NDUFS3: variants seen among roughly 807,000 people sequenced by gnomAD.
NDUFS3 encodes the protein NADH dehydrogenase [ubiquinone] iron-sulfur protein 3, mitochondrial.
In NDUFS3, 19 loss-of-function variants were observed where a neutral mutation model predicts 30.8. The ratio of observed to expected loss-of-function variants is 0.62; its 90% CI spans 0.43 to 0.91. The LOEUF (loss-of-function observed/expected upper bound fraction) is 0.91. Ranked by LOEUF, NDUFS3 falls within the 40% of genes least tolerant of loss-of-function variation. NDUFS3 has a pLI of 0.00. For synonymous variants in NDUFS3, 153 were observed against 135.8 expected (o/e 1.13, Z -0.88); for missense variants, 331 against 342.0 (o/e 0.97, Z 0.25).
chr11:47,581,282 T>G, intron 4 of NDUFS3: 1 of 390,104 alleles, frequency 2.6e-6, no homozygotes, highest in Non-Finnish European at 4.9e-6. Flanking sequence ...GCCCCTTGAG[T>G]AGCTGGGACT....
intron 2 of NDUFS3, chr11:47,579,632 T>G (rs1296388472): frequency 8.9e-6 from 5 of 559,168 alleles, no homozygotes; most frequent in Non-Finnish European, 1.6e-5. Context: ...GTACCTAGCG[T>G]TAATTGAGTG....
chr11:47,580,389 C>A, intron 2 of NDUFS3, 136 bp from the exon 3 acceptor site: 1 of 821,928 alleles, frequency 1.2e-6, no homozygotes, highest in Admixed American at 2.0e-5. Context: ...GAAGGGAAAC[C>A]TTTCACATGC....
intron 2 of NDUFS3, 43 bp from the exon 3 acceptor site, chr11:47,580,482 T>C (rs1313391930): frequency 6.3e-7 from 1 of 1,596,528 alleles, no homozygotes; most frequent in Non-Finnish European, 8.6e-7. Context: ...GGGCTGGCTT[T>C]TGCCTTCTCC....
chr11:47,579,241 CGT>C (rs770677178), intron 1 of NDUFS3, 26 bp from the exon 2 acceptor site: 2 of 1,614,118 alleles, frequency 1.2e-6, no homozygotes, highest in South Asian at 1.1e-5. Context: ...TCATCCCGCG[CGT>C]CTGTGCCTTT....
chr11:47,584,510 A>G lies in NDUFS3; in HGVS notation c.*29A>G. 6.2e-7 allele frequency: 1 copy of G among 1,612,560 alleles called. No homozygotes were observed. Among genetic ancestry groups the G allele is most frequent in the Non-Finnish European group, 8.5e-7 (1 of 1,178,924 alleles). On this transcript the variant is annotated 3_prime_UTR_variant, in exon 7 of 7. Transcript: ENST00000263774. ...CAGGGAACGCATGTGGATCCTAGAC[A>G]GCGCCTTATCTATGATTGAGTGTCC... is the stretch of plus-strand genomic sequence containing the variant.
chr11:47,582,573 T>C, intron 6 of NDUFS3, 105 bp downstream of exon 6: 1 of 1,564,454 alleles, frequency 6.4e-7, no homozygotes, highest in Non-Finnish European at 8.7e-7. Flanking sequence ...TGTGGTGGTT[T>C]AAGAGCATGG....
At chr11:47,582,780 G>A (rs1413050858) in intron 6 of NDUFS3, among the ~76,000 whole-genome samples, 1 of 152,212 alleles carries the variant, frequency 6.6e-6, no homozygotes, top group East Asian at 1.9e-4. Flanking sequence ...AGGAGTGCTT[G>A]AGTCCAGGAG....
chr11:47,582,377 C>T lies in NDUFS3; in HGVS notation c.536C>T (p.Ala179Val). 1 of 1,614,180 alleles carries T rather than the reference C, an allele frequency of 6.2e-7. No homozygotes were observed. Among genetic ancestry groups the T allele is most frequent in the Non-Finnish European group, 8.5e-7 (1 of 1,180,034 alleles). ...TGGGACATGTTTGGAGTCTTCTTTG[C>T]TAACCACCCTGATCTAAGAAGGATC... is the stretch of plus-strand genomic sequence containing the variant. Reference protein sequence around the residue: ...EIWDMFGVFFANHPDLRRILT... With the variant: ...EIWDMFGVFFVNHPDLRRILT... The change falls in exon 6 of 7, where the codon GCT (alanine) becomes GTT (valine). Residue 179 changes from alanine to valine, a missense_variant. Coordinates refer to ENST00000263774, the MANE Select transcript of NDUFS3 (RefSeq NM_004551.3).
rs762383461 is a variant in NDUFS3 at position 47,580,562 on chromosome 11, GC to G, written c.172del (p.Leu58SerfsTer27). 6.2e-7 allele frequency: 1 copy of G among 1,614,192 alleles called. No individual in the cohort carries two copies. Among genetic ancestry groups the G allele is most frequent in the East Asian group, 2.2e-5 (1 of 44,890 alleles). ...CACGGAATGATGTGGCCCACAAGCA[GC>G]TCTCAGCTTTTGGAGAGTATGTGGC... ...RPRNDVAHKQLSAFGEYVAEI... is the reference protein window; with the variant it reads ...RPRNDVAHKQXSAFGEYVAEI... On this transcript the variant is annotated frameshift_variant, in exon 3 of 7. Transcript: ENST00000263774. LOFTEE classifies it high-confidence loss of function.
At chr11:47,581,850 G>A (rs2097268959) in intron 4 of NDUFS3, 3 of 555,322 alleles carry the variant, frequency 5.4e-6, no homozygotes, top group South Asian at 1.9e-5. Context: ...ATGAGTAGGA[G>A]ACCAGGTAGC....
intron 4 of NDUFS3, 57 bp downstream of exon 4, chr11:47,581,041 A>G: frequency 6.2e-7 from 1 of 1,603,622 alleles, no homozygotes; most frequent in Non-Finnish European, 8.5e-7. Flanking sequence ...TCAGTTTGTA[A>G]CATACAATAG....
intron 6 of NDUFS3, among the ~76,000 whole-genome samples, chr11:47,583,089 C>T (rs2153795437): frequency 6.6e-6 from 1 of 152,006 alleles, no homozygotes; most frequent in Middle Eastern, 3.4e-3. Context: ...ACTCTTGTCA[C>T]CTAGGATGGA....
chr11:47,580,490 T>TC (rs1364113932), intron 2 of NDUFS3, 35 bp from the exon 3 acceptor site: 3 of 1,607,264 alleles, frequency 1.9e-6, no homozygotes, highest in Non-Finnish European at 2.6e-6. Flanking sequence ...TTTTGCCTTC[T>TC]CCATTTCTTT....
intron 6 of NDUFS3, among the ~76,000 whole-genome samples, chr11:47,584,038 C>G (rs2097269973): frequency 6.6e-6 from 1 of 152,164 alleles, no homozygotes; most frequent in Non-Finnish European, 1.5e-5. Context: ...CAGTTCGGAG[C>G]TCCTGATGTG....
In NDUFS3 at chr11:47,582,275, C is replaced by T. The variant is rs2233358; in HGVS notation, c.507+62C>T. 1,498 of 1,614,170 alleles carry T rather than the reference C, an allele frequency of 9.3e-4. 11 individuals carry two copies. In the African/African-American group the frequency reaches 0.018, roughly 19 times the overall value. ...ACAGTTGCAGAACTGGTTCAGACTA[C>T]GGGATGCAGTGTAGCCCCTTCCCCC... On this transcript the variant is annotated intron_variant, in intron 5 of 6. Coordinates refer to ENST00000263774, the MANE Select transcript of NDUFS3 (RefSeq NM_004551.3).
intron 6 of NDUFS3, among the ~76,000 whole-genome samples, chr11:47,583,595 C>T (rs2097269767): frequency 6.6e-6 from 1 of 152,162 alleles, no homozygotes; most frequent in South Asian, 2.1e-4. Flanking sequence ...GTAATATTAT[C>T]ACTCGTGAAT....
chr11:47,579,137 G>C lies in NDUFS3; in HGVS notation c.46G>C (p.Gly16Arg), dbSNP rs1279507313. 6.2e-7 allele frequency: 1 copy of C among 1,600,362 alleles called. No individual in the cohort carries two copies. The highest frequency in any genetic ancestry group is 1.7e-5 in the Admixed American group (1 of 57,824). ...CAGGCTGTGGTGGCGCGGGATCTTG[G>C]GGGCCTCGGCGCTGACCAGGGGTGA... ...VARLWWRGIL[G>R]ASALTRGTGR... The change falls in exon 1 of 7, where the codon GGG becomes CGG. Residue 16 changes from glycine to arginine, a missense_variant. Coordinates refer to ENST00000263774, the MANE Select transcript of NDUFS3 (RefSeq NM_004551.3).
In NDUFS3 at chr11:47,580,640, T is replaced by C; in HGVS notation, c.231+18T>C. The C allele has an allele frequency of 1.2e-6, 2 of 1,612,444 alleles. No individual in the cohort carries two copies. Among genetic ancestry groups the C allele is most frequent in the East Asian group, 2.2e-5 (1 of 44,876 alleles). Reference sequence around the variant, plus strand: ...AAGTTCAGGTAATACTTACTAATGTTATTTGGGTCTGGGTCAAGAAAGAAC... The same window carrying C: ...AAGTTCAGGTAATACTTACTAATGTCATTTGGGTCTGGGTCAAGAAAGAAC... On this transcript the variant is annotated intron_variant, in intron 3 of 6. Coordinates refer to ENST00000263774, the MANE Select transcript of NDUFS3 (RefSeq NM_004551.3).
chr11:47,580,457 A>G (rs1840271680), intron 2 of NDUFS3, 68 bp from the exon 3 acceptor site: 1 of 1,442,456 alleles, frequency 6.9e-7, no homozygotes, highest in Admixed American at 1.7e-5. Flanking sequence ...TTACAAGCCT[A>G]AGAGACTGCA....
Sources: allele counts gnomAD v4.1 joint callset (sites outside exome capture counted in the v4.1 genomes callset), GRCh38; gene constraint gnomAD v4.1.1; transcripts MANE v1.5; gene names NCBI Gene and HGNC (gene_info 2026-07-23, HGNC 2026-07-21).